The following TRPM3 variants were observed in gnomAD, a reference collection of about 807,000 sequenced individuals.
TRPM3 encodes long transient receptor potential channel 3.
In TRPM3, 77 loss-of-function variants were observed where a neutral mutation model predicts 181.2. The ratio of observed to expected loss-of-function variants is 0.42; its 90% CI spans 0.35 to 0.51. The LOEUF is 0.51. Among genes scored for constraint, TRPM3 ranks in the 20% least tolerant of loss-of-function variants. The pLI, the probability that TRPM3 is intolerant of heterozygous loss-of-function variation, is 0.01. For synonymous variants in TRPM3, 745 were observed against 796.4 expected, an observed-to-expected ratio of 0.94 and a Z score of 1.09; for missense variants, 1,759 against 2,196.7, an observed-to-expected ratio of 0.80 and a Z score of 3.98.
chr9:71,220,768 T>C lies in TRPM3; in HGVS notation c.183+225885A>G, dbSNP rs577982769. 3.9e-5 allele frequency among the ~76,000 whole-genome samples: 6 copies of C among 152,116 alleles called. No homozygotes were observed. In the South Asian group the frequency reaches 1.2e-3, roughly 32 times the overall value. ...ATATGTGCACCTGACAGATACAAAG[T>C]CTACACACGAAAATACCTGACCACC... On this transcript the variant is annotated intron_variant, in intron 1 of 24. Transcript: ENST00000357533.
At chr9:70,815,477 G>C (rs750981649) in intron 6 of TRPM3, among the ~76,000 whole-genome samples, 1 of 152,168 alleles carries the variant, frequency 6.6e-6, no homozygotes, top group African/African-American at 2.4e-5. Context: ...CACAATAAAT[G>C]TGTAAGTACA....
intron 6 of TRPM3, among the ~76,000 whole-genome samples, chr9:70,801,310 C>T (rs1281283817): frequency 6.6e-6 from 1 of 152,182 alleles, no homozygotes. Context: ...AGGGCCAAGG[C>T]TCACCGTTGC....
chr9:70,972,865 T>A (rs1449841816), intron 1 of TRPM3, among the ~76,000 whole-genome samples: 2 of 152,172 alleles, frequency 1.3e-5, no homozygotes, highest in Non-Finnish European at 2.9e-5. Context: ...TGTTGGTATA[T>A]CTAAAGGATC....
intron 1 of TRPM3, among the ~76,000 whole-genome samples, chr9:71,146,060 T>A (rs1291197154): frequency 6.6e-6 from 1 of 152,208 alleles, no homozygotes; most frequent in African/African-American, 2.4e-5. Context: ...ACTGTTTAGA[T>A]CAATTTTCCA....
chr9:71,160,857 C>A (rs2076242912), intron 1 of TRPM3, among the ~76,000 whole-genome samples: 1 of 152,170 alleles, frequency 6.6e-6, no homozygotes, highest in South Asian at 2.1e-4. Flanking sequence ...ATTTATGAGA[C>A]TGGACTGGAC....
At chr9:70,933,374 T>C (rs2096794106) in intron 1 of TRPM3, among the ~76,000 whole-genome samples, 1 of 152,202 alleles carries the variant, frequency 6.6e-6, no homozygotes, top group Admixed American at 6.5e-5. Flanking sequence ...GACTTAACTC[T>C]AACATTTAAG....
intron 1 of TRPM3, among the ~76,000 whole-genome samples, chr9:70,884,246 C>G (rs1315107595): frequency 6.6e-6 from 1 of 152,118 alleles, no homozygotes; most frequent in East Asian, 1.9e-4. Flanking sequence ...TTCTGTATTA[C>G]AAAAGTTGTG....
intron 25 of TRPM3, among the ~76,000 whole-genome samples, chr9:70,540,088 T>C (rs993435655): frequency 6.6e-6 from 1 of 152,178 alleles, no homozygotes; most frequent in Non-Finnish European, 1.5e-5. Flanking sequence ...TCCTCCCGCC[T>C]CGGCCTCCCA....
chr9:71,346,775 GA>G (rs1435327609), intron 1 of TRPM3, among the ~76,000 whole-genome samples: 4 of 152,226 alleles, frequency 2.6e-5, no homozygotes, highest in African/African-American at 9.6e-5. Context: ...GCTGTGTACA[GA>G]AGGGAACAGA....
chr9:70,637,954 T>C (rs933821623), intron 11 of TRPM3, among the ~76,000 whole-genome samples: 1 of 152,180 alleles, frequency 6.6e-6, no homozygotes, highest in South Asian at 2.1e-4. Flanking sequence ...CGTGTATACC[T>C]GTGTAATGAA....
chr9:70,580,315 C>A (rs1451356820), intron 22 of TRPM3, among the ~76,000 whole-genome samples: 1 of 152,144 alleles, frequency 6.6e-6, no homozygotes, highest in African/African-American at 2.4e-5. Context: ...GATCCAAATC[C>A]CTTAGCCTGA....
intron 9 of TRPM3, among the ~76,000 whole-genome samples, chr9:70,649,158 T>A (rs1025192073): frequency 5.9e-5 from 9 of 151,280 alleles, no homozygotes; most frequent in African/African-American, 1.9e-4. Flanking sequence ...AAAAACAACC[T>A]CATTTAAAGA....
At chr9:70,954,351 A>G (rs1215387132) in intron 1 of TRPM3, among the ~76,000 whole-genome samples, 1 of 152,144 alleles carries the variant, frequency 6.6e-6, no homozygotes, top group Non-Finnish European at 1.5e-5. Context: ...ACTTGGTGAT[A>G]AGCTTGGATT....
intron 12 of TRPM3, among the ~76,000 whole-genome samples, chr9:70,626,386 CCCTTAGATCTATTT>C (rs1254941172): frequency 6.6e-6 from 1 of 152,128 alleles, no homozygotes; most frequent in African/African-American, 2.4e-5. Flanking sequence ...AAGCCTCATG[CCCTTAGATCTATTT>C]GGGACAGACA....
At chr9:70,670,410 GACAA>G (rs1443723609) in intron 9 of TRPM3, among the ~76,000 whole-genome samples, 2 of 152,150 alleles carry the variant, frequency 1.3e-5, no homozygotes, top group Non-Finnish European at 2.9e-5. Context: ...TCCTGTTAGA[GACAA>G]ACAAATATGT....
chr9:70,818,862 A>G (rs961642056), intron 6 of TRPM3, among the ~76,000 whole-genome samples: 1 of 152,244 alleles, frequency 6.6e-6, no homozygotes, highest in African/African-American at 2.4e-5. Flanking sequence ...GAACTTCCCA[A>G]TAGCAAGTGG....
chr9:70,610,816 C>A, intron 18 of TRPM3, 67 bp from the exon 19 acceptor site: 1 of 1,574,260 alleles, frequency 6.4e-7, no homozygotes. Flanking sequence ...AATGTGCTTA[C>A]TTTACAGATG....
chr9:71,422,783 T>C (rs977761638), intron 1 of TRPM3, among the ~76,000 whole-genome samples: 11 of 152,082 alleles, frequency 7.2e-5, no homozygotes, highest in African/African-American at 2.7e-4. Flanking sequence ...CACATATTAT[T>C]TGATATTTTC....
chr9:70,956,296 C>CTTTTTTTTTTTTTTTT (rs537484746), intron 1 of TRPM3, among the ~76,000 whole-genome samples: 1 of 97,142 alleles, frequency 1.0e-5, no homozygotes, highest in Non-Finnish European at 1.9e-5. Context: ...AGAAATACAC[C>CTTTTTTTTTTTTTTTT]TTTTTTTTTT....
Sources: allele counts gnomAD v4.1 joint callset (sites outside exome capture counted in the v4.1 genomes callset), GRCh38; gene constraint gnomAD v4.1.1; transcripts MANE v1.5; gene names NCBI Gene and HGNC (gene_info 2026-07-23, HGNC 2026-07-21).